The following SEMA3E variants were observed in gnomAD, a reference collection of about 807,000 sequenced individuals.
SEMA3E encodes semaphorin-3E.
In SEMA3E, 49 loss-of-function variants were observed where a neutral mutation model predicts 93.6. That is an observed-to-expected ratio of 0.52 (90% CI 0.42 to 0.66). SEMA3E has a LOEUF of 0.66. Among genes scored for constraint, SEMA3E ranks in the 30% least tolerant of loss-of-function variants. SEMA3E has a pLI of 0.00. For missense variants in SEMA3E, 906 were observed against 964.8 expected (o/e 0.94, Z 0.81); for synonymous variants, 363 against 330.7 (o/e 1.10, Z -1.06).
chr7:83,375,110 A>C (rs1794802855), intron 16 of SEMA3E, among the ~76,000 whole-genome samples: 2 of 152,150 alleles, frequency 1.3e-5, no homozygotes, highest in Admixed American at 1.3e-4. Flanking sequence ...AGAGAAATTA[A>C]GTTTAAAAAG....
intron 4 of SEMA3E, among the ~76,000 whole-genome samples, chr7:83,438,682 G>A (rs1400613523): frequency 6.6e-6 from 1 of 151,594 alleles, no homozygotes. Flanking sequence ...ACACCATAAC[G>A]GTCTCTTAGA....
intron 1 of SEMA3E, among the ~76,000 whole-genome samples, chr7:83,628,788 A>G (rs1793726826): frequency 6.6e-6 from 1 of 152,000 alleles, no homozygotes; most frequent in South Asian, 2.1e-4. Flanking sequence ...ACTTCTGTCA[A>G]TTAATCAAAC....
intron 1 of SEMA3E, among the ~76,000 whole-genome samples, chr7:83,563,627 G>C (rs113668212): frequency 0.028 from 4,240 of 152,298 alleles, 199 homozygotes; most frequent in African/African-American, 0.095. Context: ...CCAAAGGTGA[G>C]AGCCCCTGCT....
At chr7:83,416,317 T>G (rs1421564555) in intron 5 of SEMA3E, among the ~76,000 whole-genome samples, 2 of 152,122 alleles carry the variant, frequency 1.3e-5, no homozygotes, top group Non-Finnish European at 2.9e-5. Context: ...GGCAAGCACT[T>G]CAGATTTCAG....
In SEMA3E at chr7:83,580,547, C is replaced by T. The variant is rs114598519; in HGVS notation, c.115+67881G>A. ...GACTATGATCTTTGCTTGGTTGTAA[C>T]TTAGTGATTATTTTCCACTTGTCTA... On this transcript the variant is annotated intron_variant, in intron 1 of 16. Coordinates refer to ENST00000643230, the MANE Select transcript of SEMA3E (RefSeq NM_012431.3). Among the ~76,000 whole-genome samples the T allele has an allele frequency of 5.0e-3, 764 of 152,082 alleles. 4 individuals are homozygous for T. Among genetic ancestry groups the T allele is most frequent in the African/African-American group, 0.017 (703 of 41,540 alleles).
At chr7:83,624,230 G>A (rs183827976) in intron 1 of SEMA3E, among the ~76,000 whole-genome samples, 1 of 152,244 alleles carries the variant, frequency 6.6e-6, no homozygotes, top group Non-Finnish European at 1.5e-5. Flanking sequence ...AATCATTTGG[G>A]TATATACTCA....
chr7:83,623,491 TGTAGTGAGATTCATAA>T (rs1793607322), intron 1 of SEMA3E, among the ~76,000 whole-genome samples: 1 of 152,148 alleles, frequency 6.6e-6, no homozygotes, highest in South Asian at 2.1e-4. Context: ...ATTAATAACT[TGTAGTGAGATTCATAA>T]GTATACGTTA....
chr7:83,549,493 T>C (rs1791716654), intron 1 of SEMA3E, among the ~76,000 whole-genome samples: 1 of 152,164 alleles, frequency 6.6e-6, no homozygotes, highest in Non-Finnish European at 1.5e-5. Context: ...TTTTTCATTT[T>C]AAATATACTT....
At chr7:83,396,548 GAA>G in intron 12 of SEMA3E, 88 bp downstream of exon 12, 3 of 750,642 alleles carry the variant, frequency 4.0e-6, no homozygotes, top group Non-Finnish European at 4.6e-6. Context: ...ACCTGTTAGG[GAA>G]AAAAAAATGG....
intron 4 of SEMA3E, among the ~76,000 whole-genome samples, chr7:83,434,275 T>C (rs1788952683): frequency 6.6e-6 from 1 of 152,154 alleles, no homozygotes; most frequent in South Asian, 2.1e-4. Flanking sequence ...ACAACTTTAT[T>C]AAACTGATCA....
intron 3 of SEMA3E, 61 bp downstream of exon 3, chr7:83,469,182 C>T (rs1789838103): frequency 2.2e-6 from 3 of 1,357,914 alleles, no homozygotes; most frequent in South Asian, 2.3e-5. Flanking sequence ...TGATTCAGTT[C>T]TTTGTGGTTA....
intron 11 of SEMA3E, 56 bp from the exon 12 acceptor site, chr7:83,396,785 A>AAC: frequency 8.9e-7 from 1 of 1,123,928 alleles, no homozygotes; most frequent in Non-Finnish European, 1.3e-6. Flanking sequence ...TACGGTTTTC[A>AAC]AAAAAACCAT....
chr7:83,521,053 G>A (rs1476953578), intron 1 of SEMA3E, among the ~76,000 whole-genome samples: 2 of 57,618 alleles, frequency 3.5e-5, no homozygotes, highest in Non-Finnish European at 8.9e-5. Context: ...GGATACTTTG[G>A]TCCCTGTTCG....
At chr7:83,514,341 G>C (rs1242048866) in intron 1 of SEMA3E, among the ~76,000 whole-genome samples, 3 of 151,752 alleles carry the variant, frequency 2.0e-5, no homozygotes, top group Non-Finnish European at 4.4e-5. Flanking sequence ...CTGCAGACTC[G>C]CCCTAAATTT....
intron 9 of SEMA3E, among the ~76,000 whole-genome samples, chr7:83,405,035 C>G (rs924986803): frequency 3.8e-4 from 58 of 152,028 alleles, no homozygotes; most frequent in African/African-American, 1.4e-3. Context: ...AAGTGAGTAA[C>G]AGTTGAGATA....
intron 16 of SEMA3E, among the ~76,000 whole-genome samples, chr7:83,368,381 G>C (rs1490123705): frequency 6.6e-6 from 1 of 152,112 alleles, no homozygotes; most frequent in Non-Finnish European, 1.5e-5. Context: ...AGCAGTCACA[G>C]TAAGAGTGAA....
At chr7:83,498,280 T>C (rs1304819119) in intron 1 of SEMA3E, among the ~76,000 whole-genome samples, 1 of 152,154 alleles carries the variant, frequency 6.6e-6, no homozygotes, top group East Asian at 1.9e-4. Context: ...GGGTTTAGCA[T>C]CCCTAACTCC....
At chr7:83,418,298 T>C (rs925300065) in intron 5 of SEMA3E, 92 bp downstream of exon 5, 2 of 918,420 alleles carry the variant, frequency 2.2e-6, no homozygotes, top group Non-Finnish European at 3.5e-6. Flanking sequence ...GCATAGTATG[T>C]AAAGAAATGC....
chr7:83,392,758 A>T, intron 13 of SEMA3E, 37 bp from the exon 14 acceptor site: 1 of 1,600,426 alleles, frequency 6.2e-7, no homozygotes, highest in Middle Eastern at 1.7e-4. Context: ...GCAGAAATGG[A>T]CAAAACTTTC....
Sources: allele counts gnomAD v4.1 joint callset (sites outside exome capture counted in the v4.1 genomes callset), GRCh38; gene constraint gnomAD v4.1.1; transcripts MANE v1.5; gene names NCBI Gene and HGNC (gene_info 2026-07-23, HGNC 2026-07-21).